The following PXDNL variants were observed in gnomAD, a reference collection of about 807,000 sequenced individuals.
PXDNL encodes peroxidasin like.
A neutral mutation model predicts 150.8 loss-of-function variants in PXDNL; 145 were observed. The ratio of observed to expected loss-of-function variants is 0.96; its 90% CI spans 0.84 to 1.10. The LOEUF (loss-of-function observed/expected upper bound fraction) is 1.10. Ranked by LOEUF, PXDNL falls within the 50% of genes least tolerant of loss-of-function variation. The pLI, the probability that PXDNL is intolerant of heterozygous loss-of-function variation, is 0.00. For synonymous variants in PXDNL, 757 were observed against 725.7 expected, an observed-to-expected ratio of 1.04 and a Z score of -0.69; for missense variants, 2,087 against 1,873.9, an observed-to-expected ratio of 1.11 and a Z score of -2.10.
chr8:51,742,463 TA>T (rs931090286), intron 1 of PXDNL, among the ~76,000 whole-genome samples: 2 of 152,028 alleles, frequency 1.3e-5, no homozygotes, highest in African/African-American at 4.8e-5. Flanking sequence ...GATATTGCAC[TA>T]TAGTTTTGTA....
intron 1 of PXDNL, among the ~76,000 whole-genome samples, chr8:51,711,162 A>G (rs1477917379): frequency 6.7e-6 from 1 of 150,336 alleles, no homozygotes; most frequent in Non-Finnish European, 1.5e-5. Context: ...TATTTTTGAG[A>G]TAGAGTCTTG....
chr8:51,356,842 G>A (rs114080770), intron 19 of PXDNL, among the ~76,000 whole-genome samples: 1,679 of 152,150 alleles, frequency 0.011, 28 homozygotes, highest in African/African-American at 0.036. Flanking sequence ...CGCCTCTGTC[G>A]GAGCTCTCTT....
chr8:51,651,094 T>C (rs1171330623), intron 2 of PXDNL, among the ~76,000 whole-genome samples: 1 of 152,208 alleles, frequency 6.6e-6, no homozygotes, highest in Non-Finnish European at 1.5e-5. Context: ...TCTACTAGCA[T>C]GAAATAAATA....
At chr8:51,492,029 A>T (rs185023262) in intron 5 of PXDNL, among the ~76,000 whole-genome samples, 1 of 152,336 alleles carries the variant, frequency 6.6e-6, no homozygotes, top group East Asian at 1.9e-4. Flanking sequence ...AAACCATGTG[A>T]TTTTATGCCT....
At chr8:51,367,032 T>A (rs1586039443) in intron 19 of PXDNL, among the ~76,000 whole-genome samples, 2 of 117,898 alleles carry the variant, frequency 1.7e-5, no homozygotes, top group African/African-American at 3.3e-5. Flanking sequence ...ACCTGGGAGG[T>A]GGAGGTTTCA....
intron 4 of PXDNL, among the ~76,000 whole-genome samples, chr8:51,506,402 A>G (rs188209974): frequency 1.3e-5 from 2 of 151,948 alleles, no homozygotes; most frequent in South Asian, 2.1e-4. Flanking sequence ...TTAGCTGGGC[A>G]TGGTGGCGCG....
intron 3 of PXDNL, among the ~76,000 whole-genome samples, chr8:51,572,017 A>G (rs543845039): frequency 1.2e-4 from 18 of 151,962 alleles, no homozygotes; most frequent in African/African-American, 3.9e-4. Context: ...TTGACTTACA[A>G]TGGGATTTCA....
chr8:51,332,413 C>G (rs556609826), intron 21 of PXDNL, among the ~76,000 whole-genome samples: 2 of 152,236 alleles, frequency 1.3e-5, no homozygotes, highest in East Asian at 3.9e-4. Context: ...TATGACAACA[C>G]AAGGCTCATC....
At chr8:51,738,576 C>A (rs1439291973) in intron 1 of PXDNL, among the ~76,000 whole-genome samples, 2 of 151,914 alleles carry the variant, frequency 1.3e-5, no homozygotes, top group African/African-American at 2.4e-5. Context: ...CACACACACA[C>A]AAGATACTCT....
intron 21 of PXDNL, among the ~76,000 whole-genome samples, chr8:51,326,408 G>A (rs1320370409): frequency 6.6e-6 from 1 of 152,178 alleles, no homozygotes; most frequent in Non-Finnish European, 1.5e-5. Context: ...TGAAGCACAA[G>A]AATCGCTTGA....
chr8:51,377,617 C>G lies in PXDNL; in HGVS notation c.3558-2886G>C, dbSNP rs1037007399. ...CAGCTGGCACACACTGAGAGCAGCT[C>G]GCCGGCACCACCCGTCCCAGGCAGT... is the stretch of plus-strand genomic sequence containing the variant. On this transcript the variant is annotated intron_variant, in intron 17 of 22. Coordinates refer to ENST00000356297, the MANE Select transcript of PXDNL (RefSeq NM_144651.5). 2.0e-5 allele frequency among the ~76,000 whole-genome samples: 3 copies of G among 152,220 alleles called. No individual in the cohort carries two copies. The East Asian group carries it at 5.8e-4, about 29-fold the overall frequency.
At chr8:51,338,509 T>C (rs190977486) in intron 21 of PXDNL, among the ~76,000 whole-genome samples, 10 of 152,360 alleles carry the variant, frequency 6.6e-5, no homozygotes, top group African/African-American at 1.2e-4. Context: ...ATAAATTGAC[T>C]GGGTCAGGCC....
At chr8:51,357,708 G>T (rs1454091497) in intron 19 of PXDNL, among the ~76,000 whole-genome samples, 1 of 152,154 alleles carries the variant, frequency 6.6e-6, no homozygotes, top group Non-Finnish European at 1.5e-5. Flanking sequence ...GATGCCTAGG[G>T]AAGAAAGGAT....
At position 51,408,214 on chromosome 8, in the gene PXDNL, G is replaced by T; in HGVS notation, c.3410C>A (p.Ser1137Ter). The T allele has an allele frequency of 2.5e-6, 4 of 1,613,994 alleles. No individual in the cohort carries two copies. Among genetic ancestry groups the T allele is most frequent in the Non-Finnish European group, 3.4e-6 (4 of 1,179,896 alleles). ...FSAAYSAAVD[S>*]AATIIQRGRD... ...ACCCCTTTGAATGATGGTGGCAGCC[G>T]AATCCACGGCCGCAGAATAAGCCGC... is the stretch of plus-strand genomic sequence containing the variant. The change falls in exon 17 of 23, where the codon TCG becomes TAG. Residue 1137 changes from serine (S) to a stop codon, truncating the protein, a stop_gained. Transcript: ENST00000356297. LOFTEE classifies it high-confidence loss of function.
chr8:51,633,359 T>C (rs1246517067), intron 2 of PXDNL, among the ~76,000 whole-genome samples: 5 of 152,172 alleles, frequency 3.3e-5, no homozygotes, highest in East Asian at 3.8e-4. Flanking sequence ...AATGAACATA[T>C]GAATGCATGT....
intron 4 of PXDNL, among the ~76,000 whole-genome samples, chr8:51,550,316 A>C (rs1473211095): frequency 6.6e-6 from 1 of 152,164 alleles, no homozygotes; most frequent in African/African-American, 2.4e-5. Flanking sequence ...GAAAGAGGGA[A>C]TCCTCCGTAA....
intron 1 of PXDNL, among the ~76,000 whole-genome samples, chr8:51,775,115 T>C (rs189576973): frequency 1.2e-3 from 188 of 152,284 alleles, no homozygotes; most frequent in African/African-American, 4.2e-3. Flanking sequence ...ATTTATACAA[T>C]TGTTATTCAC....
chr8:51,333,585 T>C (rs1805752095), intron 21 of PXDNL, among the ~76,000 whole-genome samples: 2 of 152,094 alleles, frequency 1.3e-5, no homozygotes, highest in South Asian at 2.1e-4. Context: ...CAACCAACTA[T>C]CTGCTGCCTT....
chr8:51,503,544 G>A (rs1405197455), intron 4 of PXDNL, among the ~76,000 whole-genome samples: 2 of 152,164 alleles, frequency 1.3e-5, no homozygotes, highest in Non-Finnish European at 2.9e-5. Context: ...TGATAAGAGA[G>A]CAAGACTATC....
Sources: gnomAD v4.1 joint callset for allele counts (sites outside exome capture counted in the v4.1 genomes callset) on GRCh38, gnomAD v4.1.1 for gene constraint, MANE v1.5 for transcripts, NCBI Gene and HGNC (gene_info 2026-07-23, HGNC 2026-07-21) for gene names.